CX3CR1: variants seen among roughly 807,000 people sequenced by gnomAD.
The protein encoded by CX3CR1 is C-X3-C motif chemokine receptor 1, also known as CX3C chemokine receptor 1.
For synonymous variants in CX3CR1, 168 were observed against 178.5 expected, an observed-to-expected ratio of 0.94 and a Z score of 0.47; for missense variants, 363 against 432.4, an observed-to-expected ratio of 0.84 and a Z score of 1.42.
chr3:39,283,795 TTATATA>T (rs59133796), upstream of CX3CR1, among the ~76,000 whole-genome samples: 2,825 of 64,754 alleles, frequency 0.044, 107 homozygotes, highest in Admixed American at 0.069. Context: ...AAAAAAAAAA[TTATATA>T]TATATATATA....
At chr3:39,268,600 G>A (rs1260352817) in intron 1 of CX3CR1, among the ~76,000 whole-genome samples, 16 of 152,150 alleles carry the variant, frequency 1.1e-4, no homozygotes, top group Admixed American at 1.0e-3. Context: ...TGGCAAAGCC[G>A]ACCTCGAGAG....
chr3:39,267,225 G>T (rs1309193160), intron 1 of CX3CR1, among the ~76,000 whole-genome samples: 2 of 151,896 alleles, frequency 1.3e-5, no homozygotes, highest in African/African-American at 4.8e-5. Flanking sequence ...GAGATGGGGT[G>T]AATTGGGGGT....
upstream of CX3CR1, chr3:39,281,310 G>GCCCCACCCCCC: frequency 9.7e-7 from 1 of 1,031,020 alleles, no homozygotes; most frequent in Non-Finnish European, 1.2e-6. Context: ...TCTGACACTG[G>GCCCCACCCCCC]CCCCTCCCCA....
Position 39,265,542 on chromosome 3 carries a change from T to A in CX3CR1, c.968A>T (p.Asp323Val). ...CCTTTGTGATTCAGATGAGGAGAAA[T>A]CAACGTGGACTGAGCGCCCACACAG... ...AVLCGRSVHVDFSSSESQRSR... is the reference protein window; with the variant it reads ...AVLCGRSVHVVFSSSESQRSR... Residue 323 changes from aspartate (D) to valine (V), a missense_variant, in exon 2 of 2, where the codon GAT (aspartate) becomes GTT (valine). Asp to Val is a radical substitution (Grantham distance 152, BLOSUM62 -3). Coordinates refer to ENST00000399220, the MANE Select transcript of CX3CR1 (RefSeq NM_001337.4). 6.2e-7 allele frequency: 1 copy of A among 1,614,174 alleles called. No individual in the cohort carries two copies. Among genetic ancestry groups the A allele is most frequent in the Non-Finnish European group, 8.5e-7 (1 of 1,180,040 alleles).
intron 1 of CX3CR1, among the ~76,000 whole-genome samples, chr3:39,277,133 G>A (rs1251121158): frequency 1.3e-5 from 2 of 152,210 alleles, no homozygotes; most frequent in African/African-American, 4.8e-5. Flanking sequence ...CTAGGAAGAT[G>A]TTTAAAGACA....
chr3:39,266,919 G>A (rs964510146), intron 1 of CX3CR1, among the ~76,000 whole-genome samples: 7 of 152,196 alleles, frequency 4.6e-5, no homozygotes, highest in South Asian at 2.1e-4. Flanking sequence ...AAATAGCTGG[G>A]ATTATAGGCG....
chr3:39,277,214 G>A (rs1390193683), intron 1 of CX3CR1, among the ~76,000 whole-genome samples: 2 of 152,158 alleles, frequency 1.3e-5, no homozygotes, highest in Non-Finnish European at 2.9e-5. Flanking sequence ...TGAGGGGGTC[G>A]AAGCATCAGC....
chr3:39,271,931 T>C (rs1425215255), intron 1 of CX3CR1, among the ~76,000 whole-genome samples: 1 of 152,212 alleles, frequency 6.6e-6, no homozygotes, highest in East Asian at 1.9e-4. Flanking sequence ...TGGCAGCAGA[T>C]GCGAGTGTGG....
intron 1 of CX3CR1, among the ~76,000 whole-genome samples, chr3:39,272,293 G>A (rs909131568): frequency 3.0e-4 from 45 of 152,196 alleles, no homozygotes; most frequent in African/African-American, 1.1e-3. Context: ...CCTTGAGCTG[G>A]GAGAGTTTCG....
upstream of CX3CR1, chr3:39,281,779 C>A: frequency 9.6e-7 from 1 of 1,039,728 alleles, no homozygotes; most frequent in Non-Finnish European, 1.4e-6. Context: ...CTTCCCCCAA[C>A]ATGCCTGTGC....
At chr3:39,289,232 TG>T in the CX3CR1 span, among the ~76,000 whole-genome samples, 1 of 151,978 alleles carries the variant, frequency 6.6e-6, no homozygotes, top group South Asian at 2.1e-4. Context: ...GCACTTCATA[TG>T]GTGCTCTGAG....
the CX3CR1 span, among the ~76,000 whole-genome samples, chr3:39,289,016 T>C: frequency 0.66 from 100,466 of 151,838 alleles, 33,522 homozygotes; most frequent in East Asian, 0.85. Flanking sequence ...TAGCCAGGCA[T>C]GGTGGCGTGC....
the CX3CR1 span, among the ~76,000 whole-genome samples, chr3:39,288,968 C>A: frequency 4.6e-5 from 7 of 152,198 alleles, no homozygotes; most frequent in African/African-American, 1.7e-4. Context: ...AGTTCGAGAC[C>A]AGCCTGACCA....
rs753299596 is a variant in CX3CR1, at chr3:39,266,363, A to G, written c.147T>C (p.Asn49=). ...TGGTGAGGGCAAACACTACCAACAAATTTCCCACCAGGCCAATGGCAAAGA... is the reference window on the plus strand; with the variant it reads ...TGGTGAGGGCAAACACTACCAACAAGTTTCCCACCAGGCCAATGGCAAAGA... ...SVIFAIGLVG[N]LLVVFALTNS... Residue 49 remains asparagine (N), a synonymous_variant, in exon 2 of 2, where the codon AAT becomes AAC. Transcript: ENST00000399220. 2.5e-6 allele frequency: 4 copies of G among 1,614,158 alleles called. No individual in the cohort carries two copies. The highest frequency in any genetic ancestry group is 2.2e-5 in the South Asian group (2 of 91,082).
At chr3:39,291,349 G>A in the CX3CR1 span, among the ~76,000 whole-genome samples, 5 of 152,108 alleles carry the variant, frequency 3.3e-5, no homozygotes, top group Admixed American at 6.5e-5. Context: ...AAGCCACTGC[G>A]CCCAGCCCAT....
chr3:39,275,945 G>A (rs1513256), intron 1 of CX3CR1, among the ~76,000 whole-genome samples: 147,221 of 151,200 alleles, frequency 0.97, 71,782 homozygotes, highest in East Asian at 1. Context: ...AAAATCTGCC[G>A]TTTGAGCTGA....
Position 39,265,724 on chromosome 3 carries a change from A to C in CX3CR1, c.786T>G (p.Phe262Leu). 3.7e-6 allele frequency: 6 copies of C among 1,614,230 alleles called. No homozygotes were observed. Among genetic ancestry groups the C allele is most frequent in the Non-Finnish European group, 5.1e-6 (6 of 1,180,034 alleles). Residue 262 changes from phenylalanine (F) to leucine (L), a missense_variant, in exon 2 of 2, where the codon TTT becomes TTG. Coordinates refer to ENST00000399220, the MANE Select transcript of CX3CR1 (RefSeq NM_001337.4). ...FLETLKLYDF[F>L]PSCDMRKDLR... is the part of the protein sequence containing the mutation. ...GATCCTTCCTCATGTCACAACTGGG[A>C]AAGAAGTCATAGAGCTTAAGCGTCT... is the stretch of plus-strand genomic sequence containing the variant.
At chr3:39,266,783 T>A in intron 1 of CX3CR1, 1 of 643,832 alleles carries the variant, frequency 1.6e-6, no homozygotes, top group Non-Finnish European at 2.9e-6. Flanking sequence ...CATTTGGCTC[T>A]AGGCATTTTT....
intron 1 of CX3CR1, among the ~76,000 whole-genome samples, chr3:39,270,767 T>G (rs920832826): frequency 6.6e-6 from 1 of 152,276 alleles, no homozygotes; most frequent in African/African-American, 2.4e-5. Flanking sequence ...TTTTTTACCA[T>G]GTACACATAC....
Sources: allele counts gnomAD v4.1 joint callset (sites outside exome capture counted in the v4.1 genomes callset), GRCh38; gene constraint gnomAD v4.1.1; transcripts MANE v1.5; gene names NCBI Gene and HGNC (gene_info 2026-07-23, HGNC 2026-07-21).